The following EIF2A variants were observed in gnomAD, a reference collection of about 807,000 sequenced individuals.
The protein encoded by EIF2A is 65 kDa eukaryotic translation initiation factor 2A.
A neutral mutation model predicts 75.2 loss-of-function variants in EIF2A; 62 were observed. The observed-to-expected ratio is 0.82, with a 90% CI of 0.67 to 1.02. The LOEUF (loss-of-function observed/expected upper bound fraction) is 1.02, where lower values mean the gene tolerates loss of function less well. Among genes scored for constraint, EIF2A ranks in the 50% least tolerant of loss-of-function variants. The probability of loss-of-function intolerance (pLI) is 0.00; values close to 1 mark genes in which losing one functional copy is unlikely to be tolerated. For missense variants in EIF2A, 611 were observed against 677.7 expected (o/e 0.90, Z 1.09); for synonymous variants, 207 against 239.0 (o/e 0.87, Z 1.23).
chr3:150,563,509 T>G lies in EIF2A; in HGVS notation c.293-6T>G, dbSNP rs1723996569. On this transcript the variant is annotated splice_polypyrimidine_tract_variant and splice_region_variant and intron_variant, in intron 4 of 13. Coordinates refer to ENST00000460851, the MANE Select transcript of EIF2A (RefSeq NM_032025.5). ...CAATTACTGAAAAAAAGAAATTTTA[T>G]TGCAGCTTCTAAAGATGGCACAGCT... 3 of 1,540,310 alleles carry G rather than the reference T, an allele frequency of 1.9e-6. No individual in the cohort carries two copies. Among genetic ancestry groups the G allele is most frequent in the Non-Finnish European group, 2.6e-6 (3 of 1,143,656 alleles).
intron 11 of EIF2A, among the ~76,000 whole-genome samples, chr3:150,576,803 C>T (rs987067618): frequency 1.3e-5 from 2 of 152,144 alleles, no homozygotes; most frequent in African/African-American, 4.8e-5. Context: ...CCAGAAGTAC[C>T]CAAATAATGG....
rs1725456708 is a variant in EIF2A at position 150,585,933 on chromosome 3, A to G, written c.*2022A>G. ...AGCTGTAAGCCAGAGAGTCCTCACC[A>G]GAACCTAACCATGCTGGTGATATCC... On this transcript the variant is annotated 3_prime_UTR_variant, in exon 14 of 14. Transcript: ENST00000460851. Among the ~76,000 whole-genome samples, 1 of 152,230 alleles carries G rather than the reference A, an allele frequency of 6.6e-6. No individual in the cohort carries two copies. The highest frequency in any genetic ancestry group is 6.5e-5 in the Admixed American group (1 of 15,278).
rs139572410 is a variant in EIF2A at position 150,578,561 on chromosome 3, G to GT, written c.1497+2807dup. 8.9e-3 allele frequency among the ~76,000 whole-genome samples: 1,357 copies of GT among 151,756 alleles called. 19 individuals are homozygous for GT. The highest frequency in any genetic ancestry group is 0.012 in the Non-Finnish European group (840 of 67,920). ...CTCAGTTATATGTTTATACCTGTCAGTTTTTTTTAAAAGAGCCAATACAGT... is the reference window on the plus strand; with the variant it reads ...CTCAGTTATATGTTTATACCTGTCAGTTTTTTTTTAAAAGAGCCAATACAGT... On this transcript the variant is annotated intron_variant, in intron 11 of 13. Transcript: ENST00000460851.
intron 10 of EIF2A, among the ~76,000 whole-genome samples, chr3:150,573,830 A>T (rs1724687006): frequency 1.3e-5 from 2 of 152,178 alleles, no homozygotes; most frequent in African/African-American, 2.4e-5. Flanking sequence ...CCCTCACAGA[A>T]AAAAGTTTTT....
rs1350953910 is a variant in EIF2A, at chr3:150,584,652, ATTGT to A, written c.*747_*750del. On this transcript the variant is annotated 3_prime_UTR_variant, in exon 14 of 14. Coordinates refer to ENST00000460851, the MANE Select transcript of EIF2A (RefSeq NM_032025.5). Reference sequence around the variant, plus strand: ...TCGCCACTTTGATAAAGAGGAAATGATTGTTTGTTACTGTTATATACATGTATTT... The same window carrying A: ...TCGCCACTTTGATAAAGAGGAAATGATTGTTACTGTTATATACATGTATTT... 2.0e-5 allele frequency among the ~76,000 whole-genome samples: 3 copies of A among 152,126 alleles called. No homozygotes were observed. The highest frequency in any genetic ancestry group is 6.5e-5 in the Admixed American group (1 of 15,274).
intron 1 of EIF2A, among the ~76,000 whole-genome samples, chr3:150,547,419 C>T (rs1443445540): frequency 1.3e-5 from 2 of 152,112 alleles, no homozygotes; most frequent in Non-Finnish European, 2.9e-5. Context: ...TGGTTATGAG[C>T]ATATTAGAAA....
intron 3 of EIF2A, among the ~76,000 whole-genome samples, chr3:150,561,244 G>A (rs1723835638): frequency 6.6e-6 from 1 of 152,168 alleles, no homozygotes; most frequent in African/African-American, 2.4e-5. Flanking sequence ...GATTACAGGT[G>A]TGAGCCACTG....
At chr3:150,571,666 G>A (rs1207614453) in intron 9 of EIF2A, among the ~76,000 whole-genome samples, 1 of 152,074 alleles carries the variant, frequency 6.6e-6, no homozygotes, top group African/African-American at 2.4e-5. Context: ...ATTACCATCT[G>A]CACGTATTAC....
chr3:150,575,800 C>T lies in EIF2A; in HGVS notation c.1497+38C>T, dbSNP rs373539460. The stretch of plus-strand genomic sequence containing the variant: ...CTAATCTCATAACAAAACAAATAGT[C>T]AGTTATGGCCGGGCGCAGTGGCTCA... On this transcript the variant is annotated intron_variant, in intron 11 of 13. Transcript: ENST00000460851. 4.1e-5 allele frequency: 63 copies of T among 1,539,254 alleles called. No individual in the cohort carries two copies. In the East Asian group the frequency reaches 7.9e-4, roughly 19 times the overall value.
At chr3:150,553,322 C>CA (rs201065260) in intron 2 of EIF2A, among the ~76,000 whole-genome samples, 5,798 of 84,302 alleles carry the variant, frequency 0.069, 363 homozygotes, top group African/African-American at 0.19. Context: ...GACTCCGTCT[C>CA]AAAAAAAAAA....
intron 3 of EIF2A, among the ~76,000 whole-genome samples, chr3:150,560,951 G>A (rs1038426787): frequency 1.3e-5 from 2 of 151,844 alleles, no homozygotes; most frequent in Non-Finnish European, 2.9e-5. Context: ...AAGTGGTTAG[G>A]TACATAGAAA....
Position 150,584,419 on chromosome 3 carries a change from T to C in EIF2A, c.*508T>C, listed in dbSNP as rs1725361380. Among the ~76,000 whole-genome samples, 1 of 152,174 alleles carries C rather than the reference T, an allele frequency of 6.6e-6. No individual in the cohort carries two copies. Among genetic ancestry groups the C allele is most frequent in the Non-Finnish European group, 1.5e-5 (1 of 68,024 alleles). ...TTGTCAGTGTCTCAAAGCTAGGAAATGGCCATCTAATCCCAGAGCCTATGC... is the reference window on the plus strand; with the variant it reads ...TTGTCAGTGTCTCAAAGCTAGGAAACGGCCATCTAATCCCAGAGCCTATGC... On this transcript the variant is annotated 3_prime_UTR_variant, in exon 14 of 14. Coordinates refer to ENST00000460851, the MANE Select transcript of EIF2A (RefSeq NM_032025.5).
At chr3:150,554,590 G>A (rs1010006902) in intron 2 of EIF2A, among the ~76,000 whole-genome samples, 37 of 152,098 alleles carry the variant, frequency 2.4e-4, no homozygotes, top group African/African-American at 8.9e-4. Flanking sequence ...CCAATAATTT[G>A]CATTTTTAAC....
At chr3:150,573,622 G>C (rs1443237453) in intron 10 of EIF2A, among the ~76,000 whole-genome samples, 7 of 152,088 alleles carry the variant, frequency 4.6e-5, no homozygotes. Context: ...TGATTGTGTG[G>C]TCCTGTCAAA....
At chr3:150,574,119 G>A (rs1339578148) in intron 10 of EIF2A, among the ~76,000 whole-genome samples, 1 of 152,058 alleles carries the variant, frequency 6.6e-6, no homozygotes, top group East Asian at 1.9e-4. Flanking sequence ...GTGTTGAGGT[G>A]GGAAATTCAC....
intron 11 of EIF2A, among the ~76,000 whole-genome samples, 175 bp from the exon 12 acceptor site, chr3:150,581,443 T>G (rs1725169545): frequency 1.3e-5 from 2 of 152,234 alleles, no homozygotes; most frequent in African/African-American, 4.8e-5. Context: ...TCATTTTATT[T>G]CTAACATGGG....
chr3:150,577,504 C>T (rs1231735286), intron 11 of EIF2A, among the ~76,000 whole-genome samples: 2 of 151,946 alleles, frequency 1.3e-5, no homozygotes, highest in Admixed American at 1.3e-4. Flanking sequence ...CCATTCCCAA[C>T]TAATTTTTTT....
At position 150,583,940 on chromosome 3, in the gene EIF2A, G is replaced by A; in HGVS notation, c.*29G>A. 1 of 1,608,830 alleles carries A rather than the reference G, an allele frequency of 6.2e-7. No individual in the cohort carries two copies. The highest frequency in any genetic ancestry group is 8.5e-7 in the Non-Finnish European group (1 of 1,175,532). ...TTCACGGAAAGCAAGTTGATGACCA[G>A]AAATCAGTGCAAACACATCTTCTGT... On this transcript the variant is annotated 3_prime_UTR_variant, in exon 14 of 14. Transcript: ENST00000460851.
Position 150,563,524 on chromosome 3 carries a change from A to G in EIF2A, c.302A>G (p.Asp101Gly). Reference sequence around the variant, plus strand: ...AGAAATTTTATTGCAGCTTCTAAAGATGGCACAGCTGGGATACCCAACCTA... The same window carrying G: ...AGAAATTTTATTGCAGCTTCTAAAGGTGGCACAGCTGGGATACCCAACCTA... ...ATWQPYTTSK[D>G]GTAGIPNLQL... Residue 101 changes from aspartate to glycine, a missense_variant, in exon 5 of 14, where the codon GAT (aspartate) becomes GGT (glycine). By Grantham distance (94) the Asp-to-Gly change is moderately conservative. Coordinates refer to ENST00000460851, the MANE Select transcript of EIF2A (RefSeq NM_032025.5). The G allele has an allele frequency of 6.5e-7, 1 of 1,546,196 alleles. No homozygotes were observed. Among genetic ancestry groups the G allele is most frequent in the Non-Finnish European group, 8.7e-7 (1 of 1,145,736 alleles).
Sources: allele counts gnomAD v4.1 joint callset (sites outside exome capture counted in the v4.1 genomes callset), GRCh38; gene constraint gnomAD v4.1.1; transcripts MANE v1.5; gene names NCBI Gene and HGNC (gene_info 2026-07-23, HGNC 2026-07-21).